The following HYDIN variants were observed in gnomAD, a reference collection of about 807,000 sequenced individuals.
The protein encoded by HYDIN is HYDIN axonemal central pair apparatus protein.
A neutral mutation model predicts 403.9 loss-of-function variants in HYDIN; 132 were observed. The ratio of observed to expected loss-of-function variants is 0.33; its 90% CI spans 0.28 to 0.38. The LOEUF is 0.38. Among genes scored for constraint, HYDIN ranks in the 10% least tolerant of loss-of-function variants. The probability of loss-of-function intolerance (pLI) is 1.00; values close to 1 mark genes in which losing one functional copy is unlikely to be tolerated. For missense variants in HYDIN, 2,827 were observed against 5,009.5 expected, an observed-to-expected ratio of 0.56 and a Z score of 13.15; for synonymous variants, 1,202 against 1,891.7, an observed-to-expected ratio of 0.64 and a Z score of 9.46.
chr16:71,037,787 C>T (rs2081143298), intron 18 of HYDIN, among the ~76,000 whole-genome samples: 1 of 152,212 alleles, frequency 6.6e-6, no homozygotes, highest in South Asian at 2.1e-4. Context: ...CTTTCCCTCA[C>T]CAAGACTCCC....
intron 10 of HYDIN, chr16:71,113,269 C>T (rs2083898368): frequency 6.8e-6 from 1 of 147,192 alleles, no homozygotes; most frequent in East Asian, 2.0e-4. Context: ...GGGAAACCAC[C>T]ATCACAAGAA....
chr16:71,221,280 G>A (rs1266104320), intron 1 of HYDIN, among the ~76,000 whole-genome samples: 1 of 151,428 alleles, frequency 6.6e-6, no homozygotes, highest in Admixed American at 6.6e-5. Flanking sequence ...AACCCTGAAA[G>A]GTTAGAATCA....
rs115607727 is a variant in HYDIN, at chr16:71,202,605, T to A, written c.-23-15687A>T. Among the ~76,000 whole-genome samples, 436 of 152,306 alleles carry A rather than the reference T, an allele frequency of 2.9e-3. 2 individuals are homozygous for A. The highest frequency in any genetic ancestry group is 9.9e-3 in the African/African-American group (412 of 41,558). On this transcript the variant is annotated intron_variant, in intron 1 of 85. Transcript: ENST00000393567. The stretch of plus-strand genomic sequence containing the variant: ...TTTTCCTAACACCTGCAACAATCCA[T>A]CCTTTCATCCAGTTGTTGTACCAGT...
chr16:71,181,653 A>T (rs2144656117), intron 3 of HYDIN, among the ~76,000 whole-genome samples: 1 of 152,326 alleles, frequency 6.6e-6, no homozygotes, highest in South Asian at 2.1e-4. Context: ...TAATGGAAAA[A>T]AAAGTCAAAG....
chr16:70,939,366 T>C (rs971454260), intron 43 of HYDIN, among the ~76,000 whole-genome samples: 3 of 152,226 alleles, frequency 2.0e-5, no homozygotes, highest in African/African-American at 7.2e-5. Context: ...TCCATAATGA[T>C]CCACTTGAAA....
At chr16:70,863,630 C>G (rs2039547370) in intron 67 of HYDIN, among the ~76,000 whole-genome samples, 3 of 152,212 alleles carry the variant, frequency 2.0e-5, no homozygotes, top group African/African-American at 4.8e-5. Flanking sequence ...AATCCCAGCA[C>G]TTTGGGAGGC....
rs557294253 is a variant in HYDIN, at chr16:70,804,414, C to T, written c.*3166G>A. ...GGAGGAGACCCTCAAATCCATCTCC[C>T]GGAAGAGTTCTGGACTGGGGTTTTT... On this transcript the variant is annotated 3_prime_UTR_variant, in exon 86 of 86. Transcript: ENST00000393567. 6.6e-5 allele frequency among the ~76,000 whole-genome samples: 10 copies of T among 152,204 alleles called. No individual in the cohort carries two copies. The South Asian group carries it at 8.3e-4, about 13-fold the overall frequency.
intron 18 of HYDIN, among the ~76,000 whole-genome samples, chr16:71,037,657 C>T (rs1266148005): frequency 2.0e-5 from 3 of 152,076 alleles, no homozygotes; most frequent in African/African-American, 4.8e-5. Context: ...CAAGGAACAG[C>T]GGCTCCAAAG....
intron 78 of HYDIN, among the ~76,000 whole-genome samples, chr16:70,835,015 CA>C (rs1358029293): frequency 3.5e-5 from 5 of 141,676 alleles, no homozygotes; most frequent in African/African-American, 8.1e-5. Context: ...TATACACACA[CA>C]TATATATATG....
chr16:71,052,733 C>T (rs2081702796), intron 18 of HYDIN, among the ~76,000 whole-genome samples: 1 of 84,200 alleles, frequency 1.2e-5, no homozygotes, highest in Non-Finnish European at 2.3e-5. Flanking sequence ...TGCCTGTAGT[C>T]CCAGCTACTT....
At chr16:71,062,772 TGTG>T (rs1183609338) in intron 16 of HYDIN, 1 of 154,008 alleles carries the variant, frequency 6.5e-6, no homozygotes, top group Non-Finnish European at 1.4e-5. Context: ...CCTTTGCACT[TGTG>T]GTGACTCCTC....
At chr16:70,942,728 G>T (rs1206186576) in intron 42 of HYDIN, among the ~76,000 whole-genome samples, 3 of 152,050 alleles carry the variant, frequency 2.0e-5, no homozygotes, top group Non-Finnish European at 4.4e-5. Flanking sequence ...AACAGGTACC[G>T]TGGCCACATC....
rs373847973 is a variant in HYDIN, at chr16:70,892,315, T to C, written c.9417+46A>G. On this transcript the variant is annotated intron_variant, in intron 56 of 85. Transcript: ENST00000393567. ...GTATCCTTCTTTGCAACAGGAGTCG[T>C]ACGATCCTGCCATTGAGGCAGCCCC... 329 of 1,566,856 alleles carry C rather than the reference T, an allele frequency of 2.1e-4. No homozygotes were observed. The African/African-American group carries it at 3.9e-3, about 18-fold the overall frequency.
intron 23 of HYDIN, among the ~76,000 whole-genome samples, chr16:70,996,074 GCCCAGC>G (rs2079523227): frequency 6.6e-6 from 1 of 150,516 alleles, no homozygotes; most frequent in East Asian, 2.0e-4. Flanking sequence ...AGCTATGAGA[GCCCAGC>G]CTCCTTGTCT....
chr16:70,987,284 CAATATCACATT>C (rs1483811029), intron 27 of HYDIN, among the ~76,000 whole-genome samples: 3 of 152,168 alleles, frequency 2.0e-5, no homozygotes, highest in African/African-American at 7.2e-5. Flanking sequence ...GCTCTTTGGT[CAATATCACATT>C]GCTTTGCCAA....
chr16:71,188,294 T>G (rs111579254), intron 1 of HYDIN, among the ~76,000 whole-genome samples: 2 of 152,246 alleles, frequency 1.3e-5, no homozygotes, highest in African/African-American at 4.8e-5. Flanking sequence ...TTTTTGAACC[T>G]GTTTGGGAGC....
intron 1 of HYDIN, among the ~76,000 whole-genome samples, chr16:71,217,696 T>C (rs1204152567): frequency 6.6e-6 from 1 of 152,180 alleles, no homozygotes; most frequent in Non-Finnish European, 1.5e-5. Context: ...TGCTTACTTG[T>C]GGGCACAAAA....
At chr16:71,095,735 TC>T (rs1328360391) in intron 10 of HYDIN, among the ~76,000 whole-genome samples, 9 of 118,738 alleles carry the variant, frequency 7.6e-5, no homozygotes, top group African/African-American at 2.6e-4. Flanking sequence ...CTGGTTTTGT[TC>T]CCCCTTTTTA....
intron 13 of HYDIN, among the ~76,000 whole-genome samples, chr16:71,077,580 T>G (rs1319377748): frequency 2.0e-5 from 3 of 152,088 alleles, no homozygotes; most frequent in African/African-American, 7.2e-5. Flanking sequence ...CAACTACTTA[T>G]CTTTTATTTC....
Sources: gnomAD v4.1 joint callset for allele counts (sites outside exome capture counted in the v4.1 genomes callset) on GRCh38, gnomAD v4.1.1 for gene constraint, MANE v1.5 for transcripts, NCBI Gene and HGNC (gene_info 2026-07-23, HGNC 2026-07-21) for gene names.